NMT2: variants seen among roughly 807,000 people sequenced by gnomAD.
The protein encoded by NMT2 is N-myristoyltransferase 2.
A neutral mutation model predicts 65.4 loss-of-function variants in NMT2; 35 were observed. That is an observed-to-expected ratio of 0.54 (90% confidence interval 0.41 to 0.71). The LOEUF (loss-of-function observed/expected upper bound fraction) is 0.71. Ranked by LOEUF, NMT2 falls within the 30% of genes least tolerant of loss-of-function variation. The pLI is 0.00. For synonymous variants in NMT2, 226 were observed against 231.8 expected (o/e 0.98, Z 0.23); for missense variants, 489 against 611.3 (o/e 0.80, Z 2.11).
At chr10:15,149,512 TATCACCACCATCATCACCATC>T (rs1847096053) in intron 1 of NMT2, among the ~76,000 whole-genome samples, 1 of 19,524 alleles carries the variant, frequency 5.1e-5, no homozygotes, top group South Asian at 2.6e-3. Flanking sequence ...CCACCATCAT[TATCACCACCATCATCACCATC>T]ATCACCACCA....
intron 8 of NMT2, among the ~76,000 whole-genome samples, chr10:15,122,678 C>T (rs112289944): frequency 0.014 from 2,164 of 152,280 alleles, 53 homozygotes; most frequent in African/African-American, 0.05. Context: ...CTCGGTCTCC[C>T]AAAGTGCTGG....
Position 15,108,710 on chromosome 10 carries a change from CCCAGTG to C in NMT2, c.*479_*484del. 1 of 996,504 alleles carries C rather than the reference CCCAGTG, an allele frequency of 1.0e-6. No homozygotes were observed. Among genetic ancestry groups the C allele is most frequent in the South Asian group, 4.5e-5 (1 of 22,430 alleles). 61.7% of individuals were successfully genotyped at this position (996,504 alleles called of 1,614,324 possible). ...CAGAAGTGTTGATTCCATAAATGTT[CCCAGTG>C]ATACCATGTAAGGTGATACCAGTAA... On this transcript the variant is annotated 3_prime_UTR_variant, in exon 12 of 12. Transcript: ENST00000378165.
chr10:15,155,243 T>C, intron 1 of NMT2: 2 of 1,499,474 alleles, frequency 1.3e-6, no homozygotes, highest in Non-Finnish European at 1.9e-6. Context: ...GAAACTTGTC[T>C]GCAAACAGTT....
chr10:15,120,912 T>G (rs1049930771), intron 8 of NMT2, among the ~76,000 whole-genome samples: 2 of 152,130 alleles, frequency 1.3e-5, no homozygotes, highest in Non-Finnish European at 2.9e-5. Flanking sequence ...GTAGGTGTCT[T>G]ATCACTACTC....
At chr10:15,161,935 T>C (rs984249030) in intron 1 of NMT2, among the ~76,000 whole-genome samples, 9 of 152,130 alleles carry the variant, frequency 5.9e-5, no homozygotes, top group Admixed American at 5.2e-4. Flanking sequence ...GATAAAGAAA[T>C]ATAGATGAAA....
At chr10:15,140,584 C>T (rs1210817908) in intron 2 of NMT2, among the ~76,000 whole-genome samples, 2 of 148,194 alleles carry the variant, frequency 1.3e-5, no homozygotes, top group African/African-American at 5.0e-5. Flanking sequence ...GTGGTGTGAT[C>T]ATAACTCACT....
At chr10:15,129,211 G>T (rs1251070686) in intron 7 of NMT2, among the ~76,000 whole-genome samples, 1 of 152,158 alleles carries the variant, frequency 6.6e-6, no homozygotes, top group Non-Finnish European at 1.5e-5. Context: ...TCCAGGCTCT[G>T]GGATAAGTGA....
At position 15,133,350 on chromosome 10, in the gene NMT2, T is replaced by C. The variant is rs1846354185; in HGVS notation, c.405A>G (p.Thr135=). The C allele has an allele frequency of 1.2e-6, 2 of 1,610,286 alleles. No individual in the cohort carries two copies. The highest frequency in any genetic ancestry group is 1.7e-6 in the Non-Finnish European group (2 of 1,176,486). Residue 135 remains threonine (T), a synonymous_variant, in exon 4 of 12, where the codon ACA becomes ACG. Transcript: ENST00000378165. The part of the protein sequence containing the change: ...QPVPKLDEVI[T]SHGAIEPDKD... ...TATCTGGTTCAATTGCACCATGAGA[T>C]GTTATGACTTCATCTGAACAGGGAG...
intron 8 of NMT2, among the ~76,000 whole-genome samples, chr10:15,124,562 A>G (rs1487888829): frequency 6.6e-6 from 1 of 152,264 alleles, no homozygotes; most frequent in Non-Finnish European, 1.5e-5. Context: ...CCTACAAGCA[A>G]AAAGAGTAAC....
intron 1 of NMT2, among the ~76,000 whole-genome samples, chr10:15,162,010 T>C (rs1833215162): frequency 6.6e-6 from 1 of 152,112 alleles, no homozygotes; most frequent in South Asian, 2.1e-4. Context: ...CCCAACACTT[T>C]GGGAGACGGA....
At chr10:15,141,020 T>C in intron 2 of NMT2, 1 of 1,550,962 alleles carries the variant, frequency 6.4e-7, no homozygotes, top group Non-Finnish European at 8.7e-7. Context: ...TGCTGCCAGA[T>C]GGTGTTGTGC....
chr10:15,137,386 C>A (rs750148330), intron 2 of NMT2, among the ~76,000 whole-genome samples: 1 of 152,048 alleles, frequency 6.6e-6, no homozygotes, highest in African/African-American at 2.4e-5. Flanking sequence ...TCATAAAGGT[C>A]CTATCTTAAT....
At chr10:15,140,057 C>A (rs969418923) in intron 2 of NMT2, among the ~76,000 whole-genome samples, 45 of 151,616 alleles carry the variant, frequency 3.0e-4, no homozygotes, top group African/African-American at 1.1e-3. Context: ...AGCAAGGGGG[C>A]AGAGACCAAG....
chr10:15,137,955 T>C (rs966556744), intron 2 of NMT2, among the ~76,000 whole-genome samples: 3 of 152,096 alleles, frequency 2.0e-5, no homozygotes, highest in South Asian at 2.1e-4. Context: ...TTGCGAAACA[T>C]TGATATCCCA....
At chr10:15,116,445 T>C (rs1440833315) in intron 9 of NMT2, among the ~76,000 whole-genome samples, 3 of 152,108 alleles carry the variant, frequency 2.0e-5, no homozygotes, top group Non-Finnish European at 2.9e-5. Flanking sequence ...AGAGGGAAAC[T>C]GATAGAACTA....
chr10:15,141,812 C>A (rs1267180063), intron 1 of NMT2, among the ~76,000 whole-genome samples: 2 of 152,322 alleles, frequency 1.3e-5, no homozygotes, highest in East Asian at 1.9e-4. Context: ...AGAGATAAAC[C>A]ACATTTTATA....
chr10:15,107,792 C>T lies in NMT2; in HGVS notation c.*1403G>A. The T allele has an allele frequency of 3.0e-6, 3 of 985,670 alleles. No individual in the cohort carries two copies. Among genetic ancestry groups the T allele is most frequent in the Non-Finnish European group, 3.6e-6 (3 of 829,916 alleles). 61.1% of individuals were successfully genotyped at this position (985,670 alleles called of 1,614,324 possible). ...TTGTGGTATCTGAGTTGAGGCCAGG[C>T]TACGTGGCCTCGGTTAGCATCTTAT... On this transcript the variant is annotated 3_prime_UTR_variant, in exon 12 of 12. Coordinates refer to ENST00000378165, the MANE Select transcript of NMT2 (RefSeq NM_004808.3).
At position 15,130,328 on chromosome 10, in the gene NMT2, G is replaced by T; in HGVS notation, c.720-16C>A. The T allele has an allele frequency of 6.5e-7, 1 of 1,528,164 alleles. No homozygotes were observed. The highest frequency in any genetic ancestry group is 8.8e-7 in the Non-Finnish European group (1 of 1,132,082). The allele number at this position is 1,528,164 out of a possible 1,614,324, so 94.7% of individuals were successfully genotyped here. ...CTTCTTCACACTAAGAAATAAAGAT[G>T]GTGAAGATTAAGAGTCAAAACGAGA... On this transcript the variant is annotated splice_polypyrimidine_tract_variant and intron_variant, in intron 6 of 11. Transcript: ENST00000378165.
chr10:15,153,654 TTTTA>T lies in NMT2; in HGVS notation c.111-12101_111-12098del, dbSNP rs1338465610. 3.6e-3 allele frequency among the ~76,000 whole-genome samples: 547 copies of T among 151,888 alleles called. 3 individuals are homozygous for T. Among genetic ancestry groups the T allele is most frequent in the African/African-American group, 0.012 (498 of 41,190 alleles). On this transcript the variant is annotated intron_variant, in intron 1 of 11. Transcript: ENST00000378165. ...AGATGTTTTGTTTTATTTTATTTTATTTTATTTTTTTTTTGAGACAGAGTCTCGT... is the reference window on the plus strand; with the variant it reads ...AGATGTTTTGTTTTATTTTATTTTATTTTTTTTTTTGAGACAGAGTCTCGT...
Sources: gnomAD v4.1 joint callset for allele counts (sites outside exome capture counted in the v4.1 genomes callset) on GRCh38, gnomAD v4.1.1 for gene constraint, MANE v1.5 for transcripts, NCBI Gene and HGNC (gene_info 2026-07-23, HGNC 2026-07-21) for gene names.